The following FMN1 variants were observed in gnomAD, a reference collection of about 807,000 sequenced individuals.
The protein encoded by FMN1 is formin-1.
FMN1 carries 110 observed loss-of-function variants against 132.4 expected under a neutral mutation model. The observed-to-expected ratio is 0.83, with a 90% CI of 0.71 to 0.97. The LOEUF (loss-of-function observed/expected upper bound fraction) is 0.97, where lower values mean the gene tolerates loss of function less well. Among genes scored for constraint, FMN1 ranks in the 50% least tolerant of loss-of-function variants. The pLI is 0.00. For synonymous variants in FMN1, 722 were observed against 651.7 expected (o/e 1.11, Z -1.64); for missense variants, 1,792 against 1,705.3 (o/e 1.05, Z -0.90).
At chr15:32,850,459 T>C (rs2058983412) in intron 17 of FMN1, among the ~76,000 whole-genome samples, 1 of 152,178 alleles carries the variant, frequency 6.6e-6, no homozygotes, top group South Asian at 2.1e-4. Flanking sequence ...ACCACAGAAA[T>C]GTATTATCGA....
intron 5 of FMN1, chr15:33,068,094 TG>T: frequency 7.6e-7 from 1 of 1,314,882 alleles, no homozygotes. Flanking sequence ...AGGGCAACTG[TG>T]AAAAATCTGT....
chr15:33,023,840 C>T (rs1368040289), intron 6 of FMN1, among the ~76,000 whole-genome samples: 1 of 152,102 alleles, frequency 6.6e-6, no homozygotes, highest in East Asian at 1.9e-4. Context: ...GAGGGATAGA[C>T]TATTTTTTTA....
At chr15:32,995,910 C>T (rs191404260) in intron 7 of FMN1, among the ~76,000 whole-genome samples, 2 of 152,264 alleles carry the variant, frequency 1.3e-5, no homozygotes, top group Non-Finnish European at 2.9e-5. Context: ...GCACATCATA[C>T]TTTTATAACA....
intron 4 of FMN1, among the ~76,000 whole-genome samples, chr15:33,145,909 G>GA (rs756585832): frequency 2.2e-4 from 33 of 151,316 alleles, no homozygotes; most frequent in Admixed American, 2.2e-3. Flanking sequence ...GAACGTTTTA[G>GA]AAAAAATACG....
chr15:33,179,734 T>C (rs571070912), intron 3 of FMN1, among the ~76,000 whole-genome samples: 27 of 152,354 alleles, frequency 1.8e-4, no homozygotes, highest in African/African-American at 6.5e-4. Context: ...TAAAAATCTG[T>C]CCATTGAGTG....
In FMN1 at chr15:32,964,132, T is replaced by C; in HGVS notation, c.3113A>G (p.Tyr1038Cys). The change falls in exon 9 of 21, where the codon TAT becomes TGT. Residue 1038 changes from tyrosine to cysteine, a missense_variant. Physicochemically the swap from Tyr to Cys is radical, Grantham distance 194 (BLOSUM62 -2). Transcript: ENST00000616417. ...CTTTTTGACCTTGTTTTTCTTCTCATAAGTCTCTGACAGAGGTTTTTTCTT... is the reference window on the plus strand; with the variant it reads ...CTTTTTGACCTTGTTTTTCTTCTCACAAGTCTCTGACAGAGGTTTTTTCTT... ...QQKKKPLSET[Y>C]EKKNKVKKII... 6.2e-7 allele frequency: 1 copy of C among 1,612,586 alleles called. No homozygotes were observed. Among genetic ancestry groups the C allele is most frequent in the Non-Finnish European group, 8.5e-7 (1 of 1,179,404 alleles).
At chr15:33,106,770 G>T (rs577531174) in intron 4 of FMN1, among the ~76,000 whole-genome samples, 1 of 152,122 alleles carries the variant, frequency 6.6e-6, no homozygotes, top group Non-Finnish European at 1.5e-5. Context: ...CTAGTTAATA[G>T]TAGCATCCCC....
chr15:32,936,328 C>A (rs548307083), intron 9 of FMN1, among the ~76,000 whole-genome samples: 5 of 152,274 alleles, frequency 3.3e-5, no homozygotes, highest in African/African-American at 9.6e-5. Context: ...CATTCTCATT[C>A]TTTACAGACT....
intron 9 of FMN1, among the ~76,000 whole-genome samples, chr15:32,942,649 ACATT>A (rs1328693973): frequency 1.3e-5 from 2 of 152,218 alleles, no homozygotes; most frequent in Middle Eastern, 3.2e-3. Context: ...GACACCAAAC[ACATT>A]CATACCTATA....
At position 32,777,594 on chromosome 15, in the gene FMN1, CTTTATATATTACGTATAACATAACACA is replaced by C. The variant is rs1555451187; in HGVS notation, c.4131-702_4131-676del. On this transcript the variant is annotated intron_variant, in intron 19 of 20. Coordinates refer to ENST00000616417, the MANE Select transcript of FMN1 (RefSeq NM_001277313.2). ...TATATATTACGTATAACATATAACA[CTTTATATATTACGTATAACATAACACA>C]TTTATATATTACGTATAACATAACA... Among the ~76,000 whole-genome samples, 180 of 90,544 alleles carry C rather than the reference CTTTATATATTACGTATAACATAACACA, an allele frequency of 2.0e-3. 22 individuals are homozygous for C. The highest frequency in any genetic ancestry group is 5.9e-3 in the African/African-American group (157 of 26,580). 59.4% of individuals were successfully genotyped at this position (90,544 alleles called of 152,430 possible).
chr15:32,765,984 A>G lies in FMN1; in HGVS notation c.*8326T>C, dbSNP rs1176303488. ...TAGAAATACGTATTTTTAAAAATGC[A>G]AAGGGAAAAATACCTGAATCCAATG... is the stretch of plus-strand genomic sequence containing the variant. On this transcript the variant is annotated 3_prime_UTR_variant, in exon 21 of 21. Coordinates refer to ENST00000616417, the MANE Select transcript of FMN1 (RefSeq NM_001277313.2). The G allele has an allele frequency of 1.3e-5, 2 of 152,214 alleles. No individual in the cohort carries two copies. The highest frequency in any genetic ancestry group is 4.8e-5 in the African/African-American group (2 of 41,448). The allele number at this position is 152,214 out of a possible 1,614,324, so 9.4% of individuals were successfully genotyped here.
intron 10 of FMN1, among the ~76,000 whole-genome samples, chr15:32,920,561 G>A (rs954991384): frequency 6.6e-6 from 1 of 152,114 alleles, no homozygotes. Context: ...AGCCCTATCC[G>A]CTTACCACTA....
chr15:33,110,495 T>C (rs1328004492), intron 4 of FMN1, among the ~76,000 whole-genome samples: 1 of 152,044 alleles, frequency 6.6e-6, no homozygotes, highest in Non-Finnish European at 1.5e-5. Context: ...TCTATATTTT[T>C]CTATAATGGC....
At chr15:32,907,573 G>A (rs893417925) in intron 12 of FMN1, among the ~76,000 whole-genome samples, 1 of 152,138 alleles carries the variant, frequency 6.6e-6, no homozygotes, top group African/African-American at 2.4e-5. Context: ...AGGACCCAAG[G>A]GACAAGGCAT....
chr15:33,102,976 ATTTT>A (rs985232241), intron 4 of FMN1, among the ~76,000 whole-genome samples: 2 of 151,904 alleles, frequency 1.3e-5, no homozygotes, highest in East Asian at 1.9e-4. Flanking sequence ...TCTTTAATTT[ATTTT>A]TTATTTGTCT....
chr15:32,984,348 CCA>C (rs1433487778), intron 7 of FMN1, among the ~76,000 whole-genome samples: 1 of 152,046 alleles, frequency 6.6e-6, no homozygotes, highest in Non-Finnish European at 1.5e-5. Flanking sequence ...ATAGTCTGTC[CCA>C]CAGTGCAATT....
chr15:33,057,698 C>T (rs2037282124), intron 6 of FMN1, among the ~76,000 whole-genome samples: 1 of 152,168 alleles, frequency 6.6e-6, no homozygotes, highest in African/African-American at 2.4e-5. Context: ...CCTCTGAAAT[C>T]ATTTTCTACC....
At chr15:33,005,648 T>C (rs2034376180) in intron 7 of FMN1, among the ~76,000 whole-genome samples, 1 of 151,926 alleles carries the variant, frequency 6.6e-6, no homozygotes, top group African/African-American at 2.4e-5. Flanking sequence ...AAGAATATTA[T>C]TCCACTGTCA....
chr15:32,927,791 G>C (rs1311072069), intron 9 of FMN1, among the ~76,000 whole-genome samples: 1 of 152,140 alleles, frequency 6.6e-6, no homozygotes, highest in Non-Finnish European at 1.5e-5. Context: ...AAATAAAAGA[G>C]AAGCACCCAC....
Sources: gnomAD v4.1 joint callset for allele counts (sites outside exome capture counted in the v4.1 genomes callset) on GRCh38, gnomAD v4.1.1 for gene constraint, MANE v1.5 for transcripts, NCBI Gene and HGNC (gene_info 2026-07-23, HGNC 2026-07-21) for gene names.